USP15: variants seen among roughly 807,000 people sequenced by gnomAD.
USP15 encodes ubiquitin carboxyl-terminal hydrolase 15.
Under a neutral mutation model 127.1 loss-of-function variants are expected in USP15, and 18 were observed. The ratio of observed to expected loss-of-function variants is 0.14; its 90% confidence interval spans 0.10 to 0.21. The LOEUF (loss-of-function observed/expected upper bound fraction) is 0.21, where lower values mean the gene tolerates loss of function less well. USP15 is among the 10% of genes least tolerant of loss of function. The pLI is 1.00. For synonymous variants in USP15, 364 were observed against 393.7 expected (o/e 0.92, Z 0.89); for missense variants, 805 against 1,159.9 (o/e 0.69, Z 4.44).
intron 1 of USP15, among the ~76,000 whole-genome samples, chr12:62,279,957 A>G (rs887284839): frequency 1.2e-4 from 18 of 152,154 alleles, no homozygotes; most frequent in African/African-American, 4.3e-4. Context: ...CTCTATGCCA[A>G]TATCACATTT....
chr12:62,296,862 T>C (rs1189748969), intron 2 of USP15, among the ~76,000 whole-genome samples: 1 of 152,218 alleles, frequency 6.6e-6, no homozygotes, highest in Middle Eastern at 3.2e-3. Flanking sequence ...GATCACGTGC[T>C]TAATTTTCCA....
In USP15 at chr12:62,404,077, G is replaced by T. The variant is rs553573893; in HGVS notation, c.2764-116G>T. 4.7e-6 allele frequency: 6 copies of T among 1,277,146 alleles called. No individual in the cohort carries two copies. The South Asian group carries it at 1.2e-4, about 26-fold the overall frequency. 79.1% of individuals were successfully genotyped at this position (1,277,146 alleles called of 1,614,324 possible). A position where few individuals can be genotyped will look rare whatever the true frequency, so the allele number is the denominator to read the frequency against. ...AGTAACTTCCATTTGACCATGCATG[G>T]TTTTTCTATTTGATTTATGCCCTCT... On this transcript the variant is annotated intron_variant, in intron 21 of 21. Transcript: ENST00000280377.
chr12:62,335,363 G>A (rs2065429048), intron 6 of USP15: 4 of 1,428,018 alleles, frequency 2.8e-6, no homozygotes, highest in African/African-American at 1.4e-5. Context: ...GATAAATGAT[G>A]CGTTATCACT....
chr12:62,322,382 C>T (rs1045915347), intron 5 of USP15, among the ~76,000 whole-genome samples: 3 of 151,996 alleles, frequency 2.0e-5, no homozygotes, highest in Admixed American at 6.6e-5. Flanking sequence ...TTGATCTGCC[C>T]GCCTCAGCCT....
intron 5 of USP15, among the ~76,000 whole-genome samples, chr12:62,322,767 G>A (rs1389662315): frequency 1.3e-5 from 2 of 152,068 alleles, no homozygotes; most frequent in African/African-American, 4.8e-5. Context: ...AAGCCAGCAT[G>A]CAAGTTATGG....
At chr12:62,397,695 A>G (rs921499164) in intron 20 of USP15, among the ~76,000 whole-genome samples, 2 of 151,822 alleles carry the variant, frequency 1.3e-5, no homozygotes, top group Admixed American at 1.3e-4. Context: ...TGTCTGTACT[A>G]AAAATACAAA....
At chr12:62,343,421 G>A (rs2065708413) in intron 6 of USP15, among the ~76,000 whole-genome samples, 1 of 152,164 alleles carries the variant, frequency 6.6e-6, no homozygotes, top group Admixed American at 6.5e-5. Context: ...GGAGCGAATG[G>A]TTCTGTCTCG....
At chr12:62,343,259 C>G (rs967187725) in intron 6 of USP15, among the ~76,000 whole-genome samples, 4 of 152,180 alleles carry the variant, frequency 2.6e-5, no homozygotes, top group Admixed American at 2.0e-4. Context: ...AGATGCCCCT[C>G]CCCTAAACAA....
At chr12:62,302,405 T>C (rs1236282182) in intron 2 of USP15, among the ~76,000 whole-genome samples, 1 of 152,224 alleles carries the variant, frequency 6.6e-6, no homozygotes. Context: ...TATTGCTTTT[T>C]GATTTATGGT....
chr12:62,372,478 T>TA (rs989942374), intron 8 of USP15, among the ~76,000 whole-genome samples: 1 of 152,144 alleles, frequency 6.6e-6, no homozygotes, highest in African/African-American at 2.4e-5. Context: ...GTTGAACAAT[T>TA]AAAGTTTTTT....
intron 5 of USP15, among the ~76,000 whole-genome samples, chr12:62,322,504 A>C (rs554777780): frequency 7.0e-6 from 1 of 142,230 alleles, no homozygotes; most frequent in South Asian, 2.2e-4. Flanking sequence ...TACTGATTCT[A>C]TCTTCTAACT....
chr12:62,298,930 A>T (rs2064217473), intron 2 of USP15, among the ~76,000 whole-genome samples: 1 of 151,812 alleles, frequency 6.6e-6, no homozygotes, highest in African/African-American at 2.4e-5. Flanking sequence ...AAGCCCAAAG[A>T]GTTGAACAAC....
At chr12:62,263,969 A>G (rs747700246) in intron 1 of USP15, among the ~76,000 whole-genome samples, 1 of 152,198 alleles carries the variant, frequency 6.6e-6, no homozygotes, top group African/African-American at 2.4e-5. Flanking sequence ...AAAGAAAATT[A>G]TGGGTTATAA....
intron 6 of USP15, chr12:62,336,572 A>T (rs1189444508): frequency 1.2e-6 from 1 of 806,326 alleles, no homozygotes; most frequent in Admixed American, 6.2e-5. Flanking sequence ...GTCATATTCG[A>T]AATTGAAATA....
At chr12:62,363,476 C>T (rs1256740320) in intron 8 of USP15, among the ~76,000 whole-genome samples, 1 of 152,042 alleles carries the variant, frequency 6.6e-6, no homozygotes, top group African/African-American at 2.4e-5. Flanking sequence ...AATGTTCTTC[C>T]TCTAAATATA....
chr12:62,373,346 A>G (rs1420607120), intron 8 of USP15, among the ~76,000 whole-genome samples: 1 of 152,020 alleles, frequency 6.6e-6, no homozygotes, highest in African/African-American at 2.4e-5. Flanking sequence ...GTTTCCCATC[A>G]GTGTCAGTAT....
intron 2 of USP15, among the ~76,000 whole-genome samples, chr12:62,299,154 C>G (rs910465925): frequency 1.3e-5 from 2 of 152,050 alleles, no homozygotes; most frequent in African/African-American, 2.4e-5. Flanking sequence ...GATGGAGTCT[C>G]ACTCTGTTGC....
intron 19 of USP15, among the ~76,000 whole-genome samples, chr12:62,395,869 A>G (rs1017117976): frequency 6.6e-6 from 1 of 151,932 alleles, no homozygotes; most frequent in Non-Finnish European, 1.5e-5. Flanking sequence ...GTGTATATGT[A>G]CCAGATTTTC....
Position 62,390,997 on chromosome 12 carries a change from A to G in USP15, c.1960+18A>G, listed in dbSNP as rs373274905. 7 of 1,597,166 alleles carry G rather than the reference A, an allele frequency of 4.4e-6. No homozygotes were observed. The highest frequency in any genetic ancestry group is 6.0e-6 in the Non-Finnish European group (7 of 1,169,404). ...CTCACCAAGTAAGACTTTTCTGTTA[A>G]ATTGTACAAATGTTTCACTTAGATA... On this transcript the variant is annotated intron_variant, in intron 15 of 21. Coordinates refer to ENST00000280377, the MANE Select transcript of USP15 (RefSeq NM_001252078.2).
Sources: gnomAD v4.1 joint callset for allele counts (sites outside exome capture counted in the v4.1 genomes callset) on GRCh38, gnomAD v4.1.1 for gene constraint, MANE v1.5 for transcripts, NCBI Gene and HGNC (gene_info 2026-07-23, HGNC 2026-07-21) for gene names.